NPTN: variants seen among roughly 807,000 people sequenced by gnomAD.
NPTN encodes SDR-1.
NPTN carries 5 observed loss-of-function variants against 42.7 expected under a neutral mutation model. The ratio of observed to expected loss-of-function variants is 0.12; its 90% CI spans 0.06 to 0.25. NPTN has a LOEUF of 0.25. Ranked by LOEUF, NPTN falls within the 10% of genes least tolerant of loss-of-function variation. NPTN has a pLI of 1.00. For missense variants in NPTN, 307 were observed against 525.4 expected (o/e 0.58, Z 4.06); for synonymous variants, 180 against 201.9 (o/e 0.89, Z 0.92).
At chr15:73,573,123 T>G (rs1895501564) in intron 5 of NPTN, among the ~76,000 whole-genome samples, 2 of 152,208 alleles carry the variant, frequency 1.3e-5, no homozygotes, top group African/African-American at 4.8e-5. Context: ...TAGGTAAGTT[T>G]CAAGGATCAA....
chr15:73,570,861 G>A lies in NPTN; in HGVS notation c.841-438C>T, dbSNP rs542661298. Among the ~76,000 whole-genome samples the A allele has an allele frequency of 6.2e-4, 94 of 152,306 alleles. No individual in the cohort carries two copies. The highest frequency in any genetic ancestry group is 6.8e-3 in the Middle Eastern group (2 of 294). ...TGACTTCACACTTGGTGAGTTCTGA[G>A]GAAGTCTCCTTAAACTTCCTCCACA... On this transcript the variant is annotated intron_variant, in intron 5 of 8. Coordinates refer to ENST00000345330, the MANE Select transcript of NPTN (RefSeq NM_012428.4). This position sits in a 1 kb window ranked among gnomAD's most constrained non-coding sequence, Gnocchi z 4.0.
chr15:73,589,702 C>G (rs1314641516), intron 3 of NPTN, among the ~76,000 whole-genome samples: 1 of 152,068 alleles, frequency 6.6e-6, no homozygotes, highest in Non-Finnish European at 1.5e-5. Context: ...TCTTATATTG[C>G]TCATTCCAAA....
intron 1 of NPTN, among the ~76,000 whole-genome samples, chr15:73,598,211 T>C (rs1345320816): frequency 4.6e-5 from 7 of 152,256 alleles, no homozygotes; most frequent in African/African-American, 1.4e-4. Context: ...CATAACCCCA[T>C]AGATCCATTA....
chr15:73,600,084 C>T (rs1242496154), intron 1 of NPTN, among the ~76,000 whole-genome samples: 2 of 152,188 alleles, frequency 1.3e-5, no homozygotes, highest in Non-Finnish European at 2.9e-5. Context: ...AGCTGAGAAA[C>T]AGTCTGACTA....
intron 1 of NPTN, among the ~76,000 whole-genome samples, chr15:73,623,823 G>A (rs986795194): frequency 6.6e-6 from 1 of 152,092 alleles, no homozygotes; most frequent in Non-Finnish European, 1.5e-5. Context: ...TTCTGTTTTT[G>A]AGTACCCTCT....
rs1595898388 is a variant in NPTN, at chr15:73,570,195, T to C, written c.1069A>G (p.Ile357Val). The change falls in exon 6 of 9, where the codon ATT becomes GTT. Residue 357 changes from isoleucine to valine, a missense_variant. Physicochemically the swap from Ile to Val is conservative, Grantham distance 29. Around this residue, in one of 2 missense-constraint regions of NPTN, gnomAD observed 264 missense variants for 491.1 expected, o/e 0.54. Coordinates refer to ENST00000345330, the MANE Select transcript of NPTN (RefSeq NM_012428.4). This position sits in a 1 kb window ranked among gnomAD's most constrained non-coding sequence, Gnocchi z 4.0. ...CTCTTCCTCTTCTCATACACAACAA[T>C]GATCACCACAAGGATGATAATTTCA... ...LAEIIILVVI[I>V]VVYEKRKRPD... The C allele has an allele frequency of 6.2e-7, 1 of 1,613,972 alleles. No individual in the cohort carries two copies. Among genetic ancestry groups the C allele is most frequent in the African/African-American group, 1.3e-5 (1 of 74,992 alleles).
intron 1 of NPTN, chr15:73,632,481 C>G (rs1898804854): frequency 6.5e-6 from 1 of 152,734 alleles, no homozygotes; most frequent in Non-Finnish European, 1.5e-5. Context: ...CTGCTTCTCT[C>G]TCCAGGTCCC....
intron 1 of NPTN, among the ~76,000 whole-genome samples, chr15:73,629,881 C>G (rs1898642308): frequency 6.6e-6 from 1 of 151,470 alleles, no homozygotes; most frequent in Non-Finnish European, 1.5e-5. Context: ...CTCCCAGAAA[C>G]TCAAATAAAA....
chr15:73,631,190 G>C (rs1566996003), intron 1 of NPTN, among the ~76,000 whole-genome samples: 1 of 152,182 alleles, frequency 6.6e-6, no homozygotes, highest in South Asian at 2.1e-4. Flanking sequence ...AACATGTTAA[G>C]ATCAAGAATC....
chr15:73,616,934 C>T (rs1312705155), intron 1 of NPTN, among the ~76,000 whole-genome samples: 1 of 152,174 alleles, frequency 6.6e-6, no homozygotes, highest in Non-Finnish European at 1.5e-5. Context: ...GTATATTTTT[C>T]TATTCCATTT....
chr15:73,617,654 G>A (rs1016647316), intron 1 of NPTN, among the ~76,000 whole-genome samples: 8 of 152,116 alleles, frequency 5.3e-5, no homozygotes, highest in Non-Finnish European at 1.2e-4. Context: ...AGTTCTTTCT[G>A]TGACAAACAG....
chr15:73,563,178 G>A (rs767625699), intron 7 of NPTN, 58 bp downstream of exon 7: 4 of 1,227,402 alleles, frequency 3.3e-6, no homozygotes, highest in Non-Finnish European at 4.8e-6. Flanking sequence ...TGATTAAACT[G>A]CAAACACAAC....
At chr15:73,589,336 A>C (rs1896477523) in intron 3 of NPTN, among the ~76,000 whole-genome samples, 2 of 152,060 alleles carry the variant, frequency 1.3e-5, no homozygotes, top group African/African-American at 4.8e-5. Flanking sequence ...TGTTGCGAAA[A>C]AAAAAGAAAA....
At position 73,633,357 on chromosome 15, in the gene NPTN, G is replaced by C; in HGVS notation, c.-142C>G. ...CCGCGGCTCGGCTCCGTCCTTCCCC[G>C]TCCTCCTCCTGCCGCCGCAGCGCCC... On this transcript the variant is annotated 5_prime_UTR_variant, in exon 1 of 9. Transcript: ENST00000345330. 1.8e-6 allele frequency: 1 copy of C among 558,536 alleles called. No individual in the cohort carries two copies. Among genetic ancestry groups the C allele is most frequent in the Non-Finnish European group, 2.9e-6 (1 of 346,760 alleles). The allele number at this position is 558,536 out of a possible 1,614,324, so 34.6% of individuals were successfully genotyped here.
rs1475988537 is a variant in NPTN at position 73,560,053 on chromosome 15, CCACTTTTTTATA to C, written c.*998_*1009del. The C allele has an allele frequency of 3.8e-6, 3 of 780,122 alleles. No individual in the cohort carries two copies. Among genetic ancestry groups the C allele is most frequent in the African/African-American group, 3.7e-5 (2 of 54,292 alleles). The allele number at this position is 780,122 out of a possible 1,614,324, so 48.3% of individuals were successfully genotyped here. A position where few individuals can be genotyped will look rare whatever the true frequency, so the allele number is the denominator to read the frequency against. ...GTTTTATTTTTAAAAACAGGTGAATCCACTTTTTTATACATCATTGCACTTCAATAATTACAC... is the reference window on the plus strand; with the variant it reads ...GTTTTATTTTTAAAAACAGGTGAATCCATCATTGCACTTCAATAATTACAC... On this transcript the variant is annotated 3_prime_UTR_variant, in exon 9 of 9. Coordinates refer to ENST00000345330, the MANE Select transcript of NPTN (RefSeq NM_012428.4).
At chr15:73,622,899 T>C (rs1898205295) in intron 1 of NPTN, among the ~76,000 whole-genome samples, 2 of 152,288 alleles carry the variant, frequency 1.3e-5, no homozygotes, top group South Asian at 4.1e-4. Context: ...CATCCTATAT[T>C]TTATCTGACA....
chr15:73,621,691 T>C (rs186307624), intron 1 of NPTN, among the ~76,000 whole-genome samples: 17 of 152,352 alleles, frequency 1.1e-4, no homozygotes, highest in African/African-American at 4.1e-4. Context: ...CTTTTCAGTA[T>C]AGTTCTTATT....
chr15:73,619,807 G>A (rs953344054), intron 1 of NPTN, among the ~76,000 whole-genome samples: 14 of 152,258 alleles, frequency 9.2e-5, no homozygotes, highest in African/African-American at 3.4e-4. Context: ...AGAACACATA[G>A]CTAGCTTTAA....
At position 73,569,496 on chromosome 15, in the gene NPTN, G is replaced by A. The variant is rs1167921015; in HGVS notation, c.1114+654C>T. ...CATTTGTTCCGCCTTTGCTATCTCT[G>A]TCTTACACTAGATGGGTGGATACAT... On this transcript the variant is annotated intron_variant, in intron 6 of 8. Transcript: ENST00000345330. This position sits in a 1 kb window ranked among gnomAD's most constrained non-coding sequence, Gnocchi z 4.1. 1.2e-5 allele frequency: 12 copies of A among 985,254 alleles called. No individual in the cohort carries two copies. Among genetic ancestry groups the A allele is most frequent in the Non-Finnish European group, 1.4e-5 (12 of 829,918 alleles). 61.0% of individuals were successfully genotyped at this position (985,254 alleles called of 1,614,324 possible). A position where few individuals can be genotyped will look rare whatever the true frequency, so the allele number is the denominator to read the frequency against.
Sources: gnomAD v4.1 joint callset for allele counts (sites outside exome capture counted in the v4.1 genomes callset) on GRCh38, gnomAD v4.1.1 for gene constraint, gnomAD v4.1.1 regional missense constraint, Gnocchi (gnomAD v3.1) non-coding constraint, MANE v1.5 for transcripts, NCBI Gene and HGNC (gene_info 2026-07-23, HGNC 2026-07-21) for gene names.